BRWD1: variants seen among roughly 807,000 people sequenced by gnomAD.
The protein encoded by BRWD1 is bromodomain and WD repeat-containing protein 1.
A neutral mutation model predicts 251.2 loss-of-function variants in BRWD1; 82 were observed. The ratio of observed to expected loss-of-function variants is 0.33; its 90% confidence interval spans 0.27 to 0.39. The LOEUF is 0.39. BRWD1 is among the 10% of genes least tolerant of loss of function. BRWD1 has a pLI of 1.00. For synonymous variants in BRWD1, 918 were observed against 902.8 expected (o/e 1.02, Z -0.30); for missense variants, 2,233 against 2,711.6 (o/e 0.82, Z 3.92).
chr21:39,286,969 A>C (rs192067727), intron 8 of BRWD1, among the ~76,000 whole-genome samples: 187 of 152,304 alleles, frequency 1.2e-3, no homozygotes, highest in African/African-American at 4.2e-3. Flanking sequence ...AAGATTCACC[A>C]ATGGTTAATA....
At chr21:39,278,718 GA>G in intron 10 of BRWD1, 24 bp downstream of exon 10, 10 of 1,531,672 alleles carry the variant, frequency 6.5e-6, no homozygotes, top group African/African-American at 1.4e-5. Flanking sequence ...AAAAAACTAA[GA>G]AAAAAATGTG....
intron 25 of BRWD1, 81 bp downstream of exon 25, chr21:39,232,096 C>T (rs2033638078): frequency 9.0e-7 from 1 of 1,111,998 alleles, no homozygotes; most frequent in African/African-American, 1.6e-5. Context: ...ATGTTTCCAA[C>T]AGGTTTTTAA....
intron 21 of BRWD1, 61 bp downstream of exon 21, chr21:39,247,635 CAAAGT>C (rs2034241658): frequency 1.8e-5 from 26 of 1,471,070 alleles, no homozygotes; most frequent in Non-Finnish European, 2.4e-5. Flanking sequence ...TATATTCATT[CAAAGT>C]AAAGAATTAA....
In BRWD1 at chr21:39,269,043, A is replaced by G. The variant is rs190197109; in HGVS notation, c.1530+856T>C. Among the ~76,000 whole-genome samples the G allele has an allele frequency of 3.4e-4, 51 of 152,152 alleles. 2 individuals carry two copies. The highest frequency in any genetic ancestry group is 1.2e-3 in the African/African-American group (49 of 41,546). ...GAAACCTAGAAAGATACAACCACTTAAACACAACGCATGAGCCTGAACTGG... is the reference window on the plus strand; with the variant it reads ...GAAACCTAGAAAGATACAACCACTTGAACACAACGCATGAGCCTGAACTGG... On this transcript the variant is annotated intron_variant, in intron 15 of 40. Transcript: ENST00000342449.
chr21:39,235,688 A>G (rs1432935760), intron 23 of BRWD1: 1 of 207,906 alleles, frequency 4.8e-6, no homozygotes, highest in Admixed American at 4.3e-5. Flanking sequence ...TGGGTTGGAT[A>G]CAAGGAGGTA....
Position 39,189,178 on chromosome 21 carries a change from G to A in BRWD1, c.*7081C>T, listed in dbSNP as rs958686937. On this transcript the variant is annotated 3_prime_UTR_variant, in exon 41 of 41. Coordinates refer to ENST00000342449, the MANE Select transcript of BRWD1 (RefSeq NM_033656.4). ...AAAATTTTAAAATATGCAAAATTAA[G>A]GTGAAATTTGCACTTTATAGTAGGA... 4.7e-5 allele frequency: 46 copies of A among 984,366 alleles called. No homozygotes were observed. Among genetic ancestry groups the A allele is most frequent in the Non-Finnish European group, 5.5e-5 (46 of 828,992 alleles). 61.0% of individuals were successfully genotyped at this position (984,366 alleles called of 1,614,324 possible).
chr21:39,313,251 C>G lies in BRWD1; in HGVS notation c.98G>C (p.Arg33Thr). 1 of 1,548,380 alleles carries G rather than the reference C, an allele frequency of 6.5e-7. No individual in the cohort carries two copies. Among genetic ancestry groups the G allele is most frequent in the Non-Finnish European group, 8.7e-7 (1 of 1,143,206 alleles). ...CGGGCCCGCACTCACCTGGGCCGCT[C>G]TCCGACACGGGCCCGCCGATAGGTA... ...ARYLSAGPCR[R>T]AAQVLVQELE... is the part of the protein sequence containing the mutation. Residue 33 changes from arginine to threonine, a missense_variant, in exon 2 of 41, where the codon AGA (arginine) becomes ACA (threonine). Physicochemically the swap from Arg to Thr is moderately conservative, Grantham distance 71. Coordinates refer to ENST00000342449, the MANE Select transcript of BRWD1 (RefSeq NM_033656.4).
In BRWD1 at chr21:39,215,355, A is replaced by C. The variant is rs2032841842; in HGVS notation, c.3667T>G (p.Ser1223Ala). ...RLVNRFYRRL[S>A]ALVWEVRYIE... is the part of the protein sequence containing the mutation. ...TATCTGACTTCCCAAACTAACGCAGACAGCCTCCTTCAAAATAAAGTAGAC... is the reference window on the plus strand; with the variant it reads ...TATCTGACTTCCCAAACTAACGCAGCCAGCCTCCTTCAAAATAAAGTAGAC... Residue 1223 changes from serine (S) to alanine (A), a missense_variant, in exon 32 of 41, where the codon TCT becomes GCT. Coordinates refer to ENST00000342449, the MANE Select transcript of BRWD1 (RefSeq NM_033656.4). 1 of 1,613,190 alleles carries C rather than the reference A, an allele frequency of 6.2e-7. No homozygotes were observed. Among genetic ancestry groups the C allele is most frequent in the Admixed American group, 1.7e-5 (1 of 59,956 alleles).
In BRWD1 at chr21:39,313,604, C is replaced by T; in HGVS notation, c.-113G>A. On this transcript the variant is annotated 5_prime_UTR_variant, in exon 1 of 41. Coordinates refer to ENST00000342449, the MANE Select transcript of BRWD1 (RefSeq NM_033656.4). The stretch of plus-strand genomic sequence containing the variant: ...TCTCAGGCGCGCGCCGCCGCCGCCG[C>T]CGCCGCCGCCATACCGTGCGCGCCG... The T allele has an allele frequency of 1.2e-6, 1 of 863,124 alleles. No homozygotes were observed. Among genetic ancestry groups the T allele is most frequent in the Non-Finnish European group, 1.5e-6 (1 of 653,366 alleles). 53.5% of individuals were successfully genotyped at this position (863,124 alleles called of 1,614,324 possible). A position where few individuals can be genotyped will look rare whatever the true frequency, so the allele number is the denominator to read the frequency against.
At chr21:39,277,214 CAATT>C (rs1407580388) in intron 11 of BRWD1, 33 bp downstream of exon 11, 1 of 1,462,370 alleles carries the variant, frequency 6.8e-7, no homozygotes. Flanking sequence ...ATAGTATTAA[CAATT>C]AATCTAAAGG....
chr21:39,189,397 T>G lies in BRWD1; in HGVS notation c.*6862A>C, dbSNP rs962404103. ...GATCAAAGTACCTATACTGACAATT[T>G]AGGAACCTAGTAAATACTAATTCTA... On this transcript the variant is annotated 3_prime_UTR_variant, in exon 41 of 41. Coordinates refer to ENST00000342449, the MANE Select transcript of BRWD1 (RefSeq NM_033656.4). The G allele has an allele frequency of 9.1e-5, 89 of 976,046 alleles. No individual in the cohort carries two copies. Among genetic ancestry groups the G allele is most frequent in the Admixed American group, 1.2e-4 (2 of 16,242 alleles). 60.5% of individuals were successfully genotyped at this position (976,046 alleles called of 1,614,324 possible). A position where few individuals can be genotyped will look rare whatever the true frequency, so the allele number is the denominator to read the frequency against.
At chr21:39,314,526 G>T (rs1036654407), upstream of BRWD1, 25 of 355,600 alleles carry the variant, frequency 7.0e-5, no homozygotes, top group Non-Finnish European at 1.2e-4. Context: ...AATCCTCTTG[G>T]AAGACTAGTA....
chr21:39,250,923 T>C (rs2034372929), intron 19 of BRWD1, 34 bp from the exon 20 acceptor site: 1 of 1,269,278 alleles, frequency 7.9e-7, no homozygotes, highest in Non-Finnish European at 1.1e-6. Context: ...TATTAACTAC[T>C]GAACTGATGG....
intron 19 of BRWD1, 102 bp from the exon 20 acceptor site, chr21:39,250,991 G>T: frequency 1.4e-6 from 1 of 694,250 alleles, no homozygotes; most frequent in Non-Finnish European, 2.3e-6. Context: ...ATAAGTTTAT[G>T]TACTTTAAAA....
chr21:39,245,369 C>T (rs80305171), intron 21 of BRWD1, among the ~76,000 whole-genome samples: 124 of 152,270 alleles, frequency 8.1e-4, no homozygotes, highest in African/African-American at 2.8e-3. Flanking sequence ...CTCTGAGGTA[C>T]ATGTTACCAC....
chr21:39,313,641 GCCTCCGCGGGGGAGGAAGTAGTT>G, upstream of BRWD1: 2 of 494,360 alleles, frequency 4.0e-6, no homozygotes, highest in South Asian at 5.7e-5. Flanking sequence ...CTGGACCGAC[GCCTCCGCGGGGGAGGAAGTAGTT>G]CCTCCGCGGG....
In BRWD1 at chr21:39,196,796, A is replaced by C; in HGVS notation, c.6273T>G (p.Tyr2091Ter). The C allele has an allele frequency of 6.2e-7, 1 of 1,613,316 alleles. No individual in the cohort carries two copies. The highest frequency in any genetic ancestry group is 8.5e-7 in the Non-Finnish European group (1 of 1,179,900). The change falls in exon 41 of 41, where the codon TAT (tyrosine) becomes TAG (stop). Residue 2091 changes from tyrosine (Y) to a stop codon, truncating the protein, a stop_gained. Transcript: ENST00000342449. LOFTEE classifies it high-confidence loss of function. Reference sequence around the variant, plus strand: ...TTCTGCCATTCCACCTGCGCAGCCCATAATTCAGTTCCACTTCAAAATTAT... The same window carrying C: ...TTCTGCCATTCCACCTGCGCAGCCCCTAATTCAGTTCCACTTCAAAATTAT... ...AENNFEVELN[Y>*]GLRRWNGRRL...
upstream of BRWD1, chr21:39,314,560 C>T: frequency 5.8e-6 from 2 of 345,984 alleles, no homozygotes; most frequent in Non-Finnish European, 1.1e-5. Context: ...GAGAGGTGGA[C>T]GACGACCAGA....
chr21:39,221,089 A>G (rs1011343964), intron 29 of BRWD1, among the ~76,000 whole-genome samples: 1 of 146,258 alleles, frequency 6.8e-6, no homozygotes, highest in African/African-American at 2.5e-5. Flanking sequence ...TGGGAGGTGG[A>G]GGTTGCAATG....
Sources: gnomAD v4.1 joint callset for allele counts (sites outside exome capture counted in the v4.1 genomes callset) on GRCh38, gnomAD v4.1.1 for gene constraint, MANE v1.5 for transcripts, NCBI Gene and HGNC (gene_info 2026-07-23, HGNC 2026-07-21) for gene names.